Variants in PCNX2 observed in about 807,000 individuals in gnomAD.
The protein encoded by PCNX2 is pecanex-like protein 2.
PCNX2 carries 168 observed loss-of-function variants against 223.8 expected under a neutral mutation model. The observed-to-expected ratio is 0.75, with a 90% CI of 0.66 to 0.85. PCNX2 has a LOEUF of 0.85. Among genes scored for constraint, PCNX2 ranks in the 40% least tolerant of loss-of-function variants. The pLI is 0.00. For synonymous variants in PCNX2, 1,006 were observed against 1,052.6 expected, an observed-to-expected ratio of 0.96 and a Z score of 0.86; for missense variants, 2,507 against 2,675.5, an observed-to-expected ratio of 0.94 and a Z score of 1.39.
rs1558394064 is a variant in PCNX2, at chr1:233,252,785, T to A, written c.1838A>T (p.Asn613Ile). Residue 613 changes from asparagine to isoleucine, a missense_variant, in exon 6 of 34, where the codon AAC (asparagine) becomes ATC (isoleucine). Transcript: ENST00000258229. Reference sequence around the variant, plus strand: ...TTCCTCCTTTTTTTCCTGGGAACAGTTATCTGAAAAACATTGCTTTACTTG... The same window carrying A: ...TTCCTCCTTTTTTTCCTGGGAACAGATATCTGAAAAACATTGCTTTACTTG... Reference protein sequence around the residue: ...QNEESGLLRDNCSQEKKEEIL... With the variant: ...QNEESGLLRDICSQEKKEEIL... 6.2e-7 allele frequency: 1 copy of A among 1,605,590 alleles called. No homozygotes were observed.
At chr1:233,225,440 C>T (rs1478335809) in intron 10 of PCNX2, among the ~76,000 whole-genome samples, 1 of 152,070 alleles carries the variant, frequency 6.6e-6, no homozygotes, top group Non-Finnish European at 1.5e-5. Flanking sequence ...GTAGTAGGGA[C>T]CAGGTTTAAT....
rs372802830 is a variant in PCNX2 at position 233,117,558 on chromosome 1, G to A, written c.3837+17455C>T. Reference sequence around the variant, plus strand: ...GGAGCTTGCAATGAGCCGAGATCGCGCCACTGGACTACAGCCTGGGCGACA... The same window carrying A: ...GGAGCTTGCAATGAGCCGAGATCGCACCACTGGACTACAGCCTGGGCGACA... On this transcript the variant is annotated intron_variant, in intron 21 of 33. Transcript: ENST00000258229. Among the ~76,000 whole-genome samples, 17 of 143,526 alleles carry A rather than the reference G, an allele frequency of 1.2e-4. No homozygotes were observed. The East Asian group carries it at 1.3e-3, about 11-fold the overall frequency. The allele number at this position is 143,526 out of a possible 152,430, so 94.2% of individuals were successfully genotyped here. A position where few individuals can be genotyped will look rare whatever the true frequency, so the allele number is the denominator to read the frequency against.
At chr1:233,245,456 G>A (rs1000067946) in intron 8 of PCNX2, among the ~76,000 whole-genome samples, 6 of 151,150 alleles carry the variant, frequency 4.0e-5, no homozygotes, top group Non-Finnish European at 8.8e-5. Context: ...GAGCCTGCAG[G>A]GAATCACCTA....
chr1:233,162,485 A>G (rs1366907790), intron 17 of PCNX2, among the ~76,000 whole-genome samples: 1 of 152,228 alleles, frequency 6.6e-6, no homozygotes, highest in African/African-American at 2.4e-5. Flanking sequence ...CCAAAGTGAT[A>G]AAAAGAAACA....
At chr1:233,293,395 A>G (rs1181943790) in intron 1 of PCNX2, among the ~76,000 whole-genome samples, 2 of 152,250 alleles carry the variant, frequency 1.3e-5, no homozygotes, top group East Asian at 1.9e-4. Context: ...GCACTCTGCT[A>G]TGTACAAGGA....
chr1:233,205,237 A>G (rs1681373382), intron 13 of PCNX2, among the ~76,000 whole-genome samples: 1 of 152,228 alleles, frequency 6.6e-6, no homozygotes, highest in Admixed American at 6.5e-5. Context: ...CATGCTCTTC[A>G]TGCCCCAAAC....
chr1:233,124,489 C>G (rs1303917180), intron 21 of PCNX2, among the ~76,000 whole-genome samples: 1 of 152,188 alleles, frequency 6.6e-6, no homozygotes, highest in African/African-American at 2.4e-5. Context: ...GATGCTATGA[C>G]CACCACCTTA....
chr1:233,064,916 G>A (rs1672534971), intron 23 of PCNX2, among the ~76,000 whole-genome samples: 1 of 152,124 alleles, frequency 6.6e-6, no homozygotes. Flanking sequence ...CACTGTTGCT[G>A]TGTAGAAGTC....
intron 23 of PCNX2, among the ~76,000 whole-genome samples, chr1:233,059,431 C>A (rs1327391604): frequency 6.6e-6 from 1 of 152,162 alleles, no homozygotes; most frequent in Non-Finnish European, 1.5e-5. Context: ...CCCATTCTCA[C>A]GGCGGATGAG....
At chr1:233,004,271 G>C (rs1402834741) in intron 28 of PCNX2, among the ~76,000 whole-genome samples, 2 of 152,080 alleles carry the variant, frequency 1.3e-5, no homozygotes, top group African/African-American at 2.4e-5. Context: ...CGGGTGTTCA[G>C]GTTCCTAGGT....
At chr1:233,257,895 G>A in intron 5 of PCNX2, 133 bp downstream of exon 5, 2 of 1,232,080 alleles carry the variant, frequency 1.6e-6, no homozygotes, top group Non-Finnish European at 2.2e-6. Context: ...AAATATTGAT[G>A]AGAAAGCCAA....
At chr1:233,108,774 G>T (rs567466395) in intron 21 of PCNX2, among the ~76,000 whole-genome samples, 1 of 152,256 alleles carries the variant, frequency 6.6e-6, no homozygotes, top group Non-Finnish European at 1.5e-5. Flanking sequence ...CTGAGGAAGG[G>T]GCAGGAACAC....
At chr1:233,296,235 AC>A (rs1173808527), upstream of PCNX2, among the ~76,000 whole-genome samples, 1 of 151,626 alleles carries the variant, frequency 6.6e-6, no homozygotes, top group East Asian at 1.9e-4. Flanking sequence ...TTAAGGGCTG[AC>A]CCCAGACGTT....
chr1:233,088,675 G>C (rs1255472878), intron 23 of PCNX2, among the ~76,000 whole-genome samples: 1 of 152,124 alleles, frequency 6.6e-6, no homozygotes, highest in Non-Finnish European at 1.5e-5. Context: ...CTCCTCACGG[G>C]CCCGAAGTAG....
chr1:233,129,006 G>T (rs935930885), intron 21 of PCNX2, among the ~76,000 whole-genome samples: 1 of 152,232 alleles, frequency 6.6e-6, no homozygotes, highest in African/African-American at 2.4e-5. Context: ...CCTCGGCCTT[G>T]GCGTCTGCTC....
chr1:232,995,688 TTA>T (rs1335773211), intron 32 of PCNX2, among the ~76,000 whole-genome samples: 1 of 324 alleles, frequency 3.1e-3, no homozygotes, highest in Non-Finnish European at 6.2e-3. Context: ...AAAATCCAAT[TTA>T]AAAAAAAAGA....
intron 25 of PCNX2, among the ~76,000 whole-genome samples, chr1:233,046,026 A>G (rs1334363760): frequency 6.6e-6 from 1 of 152,248 alleles, no homozygotes; most frequent in Non-Finnish European, 1.5e-5. Flanking sequence ...GCTCACAACC[A>G]AGAACTCTTA....
intron 10 of PCNX2, among the ~76,000 whole-genome samples, chr1:233,224,183 T>C (rs1657559091): frequency 2.0e-5 from 3 of 152,250 alleles, no homozygotes; most frequent in South Asian, 4.1e-4. Context: ...GGGCAACTTC[T>C]TATTTCAGAT....
intron 19 of PCNX2, among the ~76,000 whole-genome samples, chr1:233,145,736 G>T (rs892328541): frequency 6.6e-6 from 1 of 152,042 alleles, no homozygotes; most frequent in Non-Finnish European, 1.5e-5. Context: ...CTCAGTACAT[G>T]GTAACAGTAA....
Sources: gnomAD v4.1 joint callset for allele counts (sites outside exome capture counted in the v4.1 genomes callset) on GRCh38, gnomAD v4.1.1 for gene constraint, MANE v1.5 for transcripts, NCBI Gene and HGNC (gene_info 2026-07-23, HGNC 2026-07-21) for gene names.